PCDH15: variants seen among roughly 807,000 people sequenced by gnomAD.
The protein encoded by PCDH15 is protocadherin related 15.
Under a neutral mutation model 178.5 loss-of-function variants are expected in PCDH15, and 129 were observed. That is an observed-to-expected ratio of 0.72 (90% confidence interval 0.63 to 0.84). The LOEUF (loss-of-function observed/expected upper bound fraction) is 0.84. PCDH15 is among the 40% of genes least tolerant of loss of function. The probability of loss-of-function intolerance (pLI) is 0.00; values close to 1 mark genes in which losing one functional copy is unlikely to be tolerated. For synonymous variants in PCDH15, 800 were observed against 732.0 expected (o/e 1.09, Z -1.50); for missense variants, 2,230 against 2,099.9 (o/e 1.06, Z -1.21).
At chr10:53,859,734 A>G (rs967707222) in intron 27 of PCDH15, among the ~76,000 whole-genome samples, 1 of 152,180 alleles carries the variant, frequency 6.6e-6, no homozygotes, top group African/African-American at 2.4e-5. Context: ...ATAGATCCGA[A>G]AAACCATACA....
chr10:54,484,386 C>A (rs2078943713), intron 3 of PCDH15, among the ~76,000 whole-genome samples: 1 of 151,918 alleles, frequency 6.6e-6, no homozygotes, highest in Admixed American at 6.6e-5. Context: ...TTAATACATT[C>A]ATAATGGAAT....
At chr10:55,120,674 A>AT (rs1456263146) in intron 2 of PCDH15, among the ~76,000 whole-genome samples, 2 of 152,246 alleles carry the variant, frequency 1.3e-5, no homozygotes, top group Middle Eastern at 6.8e-3. Flanking sequence ...AAATAAATAA[A>AT]ATAATAATCT....
At chr10:53,903,392 A>T (rs1564730036) in intron 25 of PCDH15, 22 bp from the exon 26 acceptor site, 1 of 1,610,828 alleles carries the variant, frequency 6.2e-7, no homozygotes, top group Non-Finnish European at 8.5e-7. Context: ...GAAACGATGC[A>T]TTTTTTATTG....
chr10:54,220,718 C>G (rs1017495627), intron 9 of PCDH15, among the ~76,000 whole-genome samples: 1 of 151,432 alleles, frequency 6.6e-6, no homozygotes, highest in Non-Finnish European at 1.5e-5. Flanking sequence ...CTAGCTACTC[C>G]GGAGGCTGAC....
chr10:54,644,793 T>C (rs1032581830), intron 2 of PCDH15, among the ~76,000 whole-genome samples: 3 of 152,124 alleles, frequency 2.0e-5, no homozygotes, highest in Non-Finnish European at 4.4e-5. Flanking sequence ...CATTAAGAGG[T>C]TGGGCCCTTA....
chr10:54,242,169 TATATATATATATATATATACAC>T (rs1253337830), intron 8 of PCDH15, among the ~76,000 whole-genome samples: 6 of 102,742 alleles, frequency 5.8e-5, no homozygotes, highest in African/African-American at 2.5e-4. Context: ...TATATATATA[TATATATATATATATATATACAC>T]ACACACACAT....
intron 5 of PCDH15, among the ~76,000 whole-genome samples, chr10:54,349,867 A>G (rs1943903197): frequency 6.6e-6 from 1 of 152,124 alleles, no homozygotes; most frequent in African/African-American, 2.4e-5. Context: ...AAATGTTCTC[A>G]TTTCAGAATA....
intron 1 of PCDH15, among the ~76,000 whole-genome samples, chr10:54,704,716 C>T (rs2095348275): frequency 1.3e-5 from 2 of 152,046 alleles, no homozygotes; most frequent in South Asian, 4.1e-4. Context: ...ACACTTATAC[C>T]TTGCTGGTGG....
chr10:53,891,796 TA>T (rs113664953), intron 26 of PCDH15, among the ~76,000 whole-genome samples: 100,380 of 145,702 alleles, frequency 0.69, 34,212 homozygotes, highest in East Asian at 0.88. Flanking sequence ...TTACTAAAAA[TA>T]AAAAAAAAAA....
At chr10:54,825,029 C>G (rs1177820758) in intron 3 of PCDH15, among the ~76,000 whole-genome samples, 1 of 152,070 alleles carries the variant, frequency 6.6e-6, no homozygotes, top group Non-Finnish European at 1.5e-5. Flanking sequence ...CCCCCTCCTC[C>G]CACCCCACAA....
intron 10 of PCDH15, among the ~76,000 whole-genome samples, chr10:54,204,485 CT>C (rs200551322): frequency 1.3e-5 from 2 of 152,026 alleles, no homozygotes; most frequent in South Asian, 2.1e-4. Context: ...TTTGTAGCAT[CT>C]TTTTTTAACA....
At chr10:55,341,514 T>A (rs1156265597) in intron 2 of PCDH15, among the ~76,000 whole-genome samples, 1 of 151,078 alleles carries the variant, frequency 6.6e-6, no homozygotes, top group Non-Finnish European at 1.5e-5. Flanking sequence ...TTGTATCAAT[T>A]TCCAAACCCA....
intron 2 of PCDH15, among the ~76,000 whole-genome samples, chr10:55,553,084 C>T (rs1036699903): frequency 1.3e-5 from 2 of 151,498 alleles, no homozygotes; most frequent in Non-Finnish European, 3.0e-5. Context: ...ATAAATATCT[C>T]TCAATTTTTC....
intron 20 of PCDH15, among the ~76,000 whole-genome samples, chr10:54,003,911 T>C (rs1001049888): frequency 6.6e-6 from 1 of 151,864 alleles, no homozygotes; most frequent in African/African-American, 2.4e-5. Flanking sequence ...AACAAAGAAA[T>C]TCAACATCGT....
In PCDH15 at chr10:54,170,592, T is replaced by C. The variant is rs370806670; in HGVS notation, c.1590+12852A>G. ...GAGTCTCCCACAATTACCGTCGTTC[T>C]TGACCCAGACTTCAATCCGGCCTCC... On this transcript the variant is annotated intron_variant, in intron 13 of 37. Coordinates refer to ENST00000644397, the MANE Select transcript of PCDH15 (RefSeq NM_001384140.1). Among the ~76,000 whole-genome samples the C allele has an allele frequency of 5.3e-3, 793 of 148,736 alleles. 12 individuals are homozygous for C. The highest frequency in any genetic ancestry group is 0.018 in the East Asian group (91 of 5,164).
intron 2 of PCDH15, among the ~76,000 whole-genome samples, chr10:55,475,182 T>A (rs1265127993): frequency 1.3e-5 from 2 of 151,974 alleles, no homozygotes; most frequent in African/African-American, 4.8e-5. Flanking sequence ...GAGTGAAAGC[T>A]CACCCGAAGG....
At chr10:55,496,249 A>G (rs1840531410) in intron 2 of PCDH15, among the ~76,000 whole-genome samples, 1 of 150,238 alleles carries the variant, frequency 6.7e-6, no homozygotes, top group African/African-American at 2.5e-5. Flanking sequence ...AAGATCATGA[A>G]AAAAAAATTC....
intron 32 of PCDH15, chr10:53,823,457 A>AAAAACATCAAAGGCCAAACAACAC (rs1564541466): frequency 8.8e-7 from 1 of 1,135,812 alleles, no homozygotes; most frequent in East Asian, 2.3e-5. Context: ...TTAAATACTT[A>AAAAACATCAAAGGCCAAACAACAC]AAAACATCAA....
chr10:54,181,772 C>A, intron 13 of PCDH15, among the ~76,000 whole-genome samples: 1 of 152,098 alleles, frequency 6.6e-6, no homozygotes, highest in East Asian at 1.9e-4. Flanking sequence ...AACGTTTTTT[C>A]TCTCTTTACC....
Sources: allele counts gnomAD v4.1 joint callset (sites outside exome capture counted in the v4.1 genomes callset), GRCh38; gene constraint gnomAD v4.1.1; transcripts MANE v1.5; gene names NCBI Gene and HGNC (gene_info 2026-07-23, HGNC 2026-07-21).